The following MYO5B variants were observed in gnomAD, a reference collection of about 807,000 sequenced individuals.
The protein encoded by MYO5B is unconventional myosin-Vb.
Under a neutral mutation model 229.3 loss-of-function variants are expected in MYO5B, and 143 were observed. That is an observed-to-expected ratio of 0.62 (90% confidence interval 0.54 to 0.72). The LOEUF (loss-of-function observed/expected upper bound fraction) is 0.72, where lower values mean the gene tolerates loss of function less well. Among genes scored for constraint, MYO5B ranks in the 30% least tolerant of loss-of-function variants. MYO5B has a pLI of 0.00. For synonymous variants in MYO5B, 918 were observed against 885.2 expected, an observed-to-expected ratio of 1.04 and a Z score of -0.66; for missense variants, 2,321 against 2,331.0, an observed-to-expected ratio of 1.00 and a Z score of 0.09.
intron 5 of MYO5B, among the ~76,000 whole-genome samples, chr18:49,997,326 TTCA>T (rs1204888273): frequency 1.4e-5 from 2 of 147,638 alleles, no homozygotes; most frequent in Admixed American, 6.7e-5. Flanking sequence ...ATATCTGGTC[TTCA>T]TCATCATTTT....
intron 4 of MYO5B, among the ~76,000 whole-genome samples, chr18:50,018,912 C>G (rs1478034442): frequency 2.0e-5 from 3 of 152,212 alleles, no homozygotes; most frequent in Non-Finnish European, 4.4e-5. Flanking sequence ...GAGATAATAT[C>G]CCAAGCTAAC....
intron 4 of MYO5B, among the ~76,000 whole-genome samples, chr18:50,015,131 G>A (rs559184874): frequency 3.9e-5 from 6 of 152,316 alleles, no homozygotes; most frequent in South Asian, 2.1e-4. Flanking sequence ...GTGGGTTCAC[G>A]GGACAGGGAT....
chr18:50,008,879 T>C (rs1158224876), intron 4 of MYO5B, among the ~76,000 whole-genome samples: 1 of 152,194 alleles, frequency 6.6e-6, no homozygotes, highest in Non-Finnish European at 1.5e-5. Flanking sequence ...TCTAATCATA[T>C]AGTCAACACC....
At chr18:49,904,893 C>A (rs1413428541) in intron 19 of MYO5B, 65 bp from the exon 20 acceptor site, 4 of 1,572,684 alleles carry the variant, frequency 2.5e-6, no homozygotes, top group East Asian at 4.6e-5. Context: ...TGCAGAGAAC[C>A]CTGAGACATC....
intron 22 of MYO5B, among the ~76,000 whole-genome samples, chr18:49,889,155 G>T (rs2024680401): frequency 6.6e-6 from 1 of 152,214 alleles, no homozygotes. Flanking sequence ...TTAAATAAAT[G>T]TGTTTATAGT....
chr18:49,831,956 G>A (rs1470671116), intron 39 of MYO5B, among the ~76,000 whole-genome samples: 1 of 152,130 alleles, frequency 6.6e-6, no homozygotes. Flanking sequence ...TGACCTTTGA[G>A]AACCTAAGTG....
intron 26 of MYO5B, among the ~76,000 whole-genome samples, chr18:49,874,627 G>A (rs775270189): frequency 2.6e-5 from 4 of 152,176 alleles, no homozygotes; most frequent in Non-Finnish European, 5.9e-5. Context: ...GGGAATACAG[G>A]TGTTGCAAAA....
Position 49,839,251 on chromosome 18 carries a change from A to C in MYO5B, c.4745T>G (p.Leu1582Arg). 1 of 1,614,204 alleles carries C rather than the reference A, an allele frequency of 6.2e-7. No individual in the cohort carries two copies. Among genetic ancestry groups the C allele is most frequent in the South Asian group, 1.1e-5 (1 of 91,084 alleles). The change falls in exon 36 of 40, where the codon CTT becomes CGT. Residue 1582 changes from leucine (L) to arginine (R), a missense_variant. This residue lies in a region of MYO5B where 2,113 missense variants were observed against 2,044.7 expected (regional missense o/e 1.03). Coordinates refer to ENST00000285039, the MANE Select transcript of MYO5B (RefSeq NM_001080467.3). ...QNTAKQNEHC[L>R]KNFDLTEYRQ... ...GTATTCGGTGAGGTCAAAATTCTTA[A>C]GACAGTGTTCATTCTGCTTTGCAGT...
intron 1 of MYO5B, chr18:50,098,648 A>C (rs1259109954): frequency 6.6e-6 from 1 of 152,324 alleles, no homozygotes; most frequent in South Asian, 2.1e-4. Flanking sequence ...ATGCAGAAGA[A>C]AAAGAAAGTC....
intron 1 of MYO5B, among the ~76,000 whole-genome samples, chr18:50,125,930 C>T (rs115444954): frequency 3.4e-4 from 52 of 152,290 alleles, no homozygotes; most frequent in African/African-American, 1.2e-3. Flanking sequence ...ACTCCACTTA[C>T]ATGAGGGACC....
chr18:49,938,405 T>A (rs1312969407), intron 14 of MYO5B, among the ~76,000 whole-genome samples: 1 of 151,920 alleles, frequency 6.6e-6, no homozygotes, highest in Non-Finnish European at 1.5e-5. Context: ...GGGGCTAGAA[T>A]AAAGTATTAC....
At chr18:50,136,364 C>CA (rs1555662329) in intron 1 of MYO5B, among the ~76,000 whole-genome samples, 24 of 131,782 alleles carry the variant, frequency 1.8e-4, no homozygotes, top group Non-Finnish European at 3.1e-4. Flanking sequence ...TTTTTTTTTA[C>CA]TTTTTTTTTT....
At chr18:50,139,230 AG>A (rs1476665853) in intron 1 of MYO5B, among the ~76,000 whole-genome samples, 1 of 152,124 alleles carries the variant, frequency 6.6e-6, no homozygotes, top group Non-Finnish European at 1.5e-5. Flanking sequence ...GGGGCCCTGC[AG>A]GGGTGCGGCC....
chr18:50,177,170 G>A (rs2033009702), intron 1 of MYO5B, among the ~76,000 whole-genome samples: 1 of 151,554 alleles, frequency 6.6e-6, no homozygotes, highest in South Asian at 2.1e-4. Context: ...TAAAAAAGTT[G>A]GTGCCAAGTG....
intron 1 of MYO5B, among the ~76,000 whole-genome samples, chr18:50,095,439 A>G (rs1334397616): frequency 1.3e-5 from 2 of 152,194 alleles, no homozygotes; most frequent in East Asian, 3.8e-4. Context: ...TCACCGTGAC[A>G]TTTCTGCTTC....
chr18:50,144,636 T>C (rs899469522), intron 1 of MYO5B, among the ~76,000 whole-genome samples: 1 of 152,274 alleles, frequency 6.6e-6, no homozygotes, highest in South Asian at 2.1e-4. Context: ...GGAAAGACAT[T>C]TATTCTTCAG....
chr18:50,084,716 A>T (rs1173864626), intron 1 of MYO5B, among the ~76,000 whole-genome samples: 1 of 152,234 alleles, frequency 6.6e-6, no homozygotes, highest in East Asian at 1.9e-4. Context: ...CAAAACAGAG[A>T]CACAGATCAA....
chr18:50,141,058 G>A (rs1230791582), intron 1 of MYO5B, among the ~76,000 whole-genome samples: 3 of 152,182 alleles, frequency 2.0e-5, no homozygotes, highest in East Asian at 1.9e-4. Flanking sequence ...CTGCCACATG[G>A]CTGACCTCAA....
intron 1 of MYO5B, among the ~76,000 whole-genome samples, chr18:50,066,598 A>G (rs970101225): frequency 2.0e-4 from 31 of 152,174 alleles, no homozygotes; most frequent in African/African-American, 7.0e-4. Flanking sequence ...CGGCACAATA[A>G]TACCATCTAA....
Sources: gnomAD v4.1 joint callset for allele counts (sites outside exome capture counted in the v4.1 genomes callset) on GRCh38, gnomAD v4.1.1 for gene constraint, gnomAD v4.1.1 regional missense constraint, MANE v1.5 for transcripts, NCBI Gene and HGNC (gene_info 2026-07-23, HGNC 2026-07-21) for gene names.